The following ANKH variants were observed in gnomAD, a reference collection of about 807,000 sequenced individuals.
ANKH encodes mineralization regulator ANKH.
In ANKH, 15 loss-of-function variants were observed where a neutral mutation model predicts 49.0. That is an observed-to-expected ratio of 0.31 (90% CI 0.20 to 0.47). The LOEUF is 0.47. ANKH is among the 20% of genes least tolerant of loss of function. The pLI, the probability that ANKH is intolerant of heterozygous loss-of-function variation, is 1.00. For synonymous variants in ANKH, 273 were observed against 260.0 expected (o/e 1.05, Z -0.48); for missense variants, 429 against 652.0 (o/e 0.66, Z 3.72).
At chr5:14,762,924 T>C (rs957722861) in intron 2 of ANKH, among the ~76,000 whole-genome samples, 4 of 152,222 alleles carry the variant, frequency 2.6e-5, no homozygotes, top group Admixed American at 2.6e-4. Flanking sequence ...TTTGAACAGA[T>C]GTAAACAAAT....
At chr5:14,788,375 T>C (rs957203583) in intron 1 of ANKH, among the ~76,000 whole-genome samples, 15 of 152,366 alleles carry the variant, frequency 9.8e-5, no homozygotes, top group Middle Eastern at 6.8e-3. Flanking sequence ...TATGCAAATA[T>C]ACTTCATGAT....
chr5:14,814,647 G>T (rs1561067869), intron 1 of ANKH, among the ~76,000 whole-genome samples: 1 of 152,154 alleles, frequency 6.6e-6, no homozygotes, highest in East Asian at 1.9e-4. Context: ...ACCCGGAGTG[G>T]ATAAATTAAG....
chr5:14,845,679 A>G (rs529425392), intron 1 of ANKH, among the ~76,000 whole-genome samples: 3 of 151,466 alleles, frequency 2.0e-5, no homozygotes, highest in Admixed American at 2.0e-4. Flanking sequence ...GCCTAATTTG[A>G]CTCTCTCCAC....
chr5:14,735,867 T>C (rs1580015765), intron 8 of ANKH, among the ~76,000 whole-genome samples: 1 of 152,070 alleles, frequency 6.6e-6, no homozygotes, highest in East Asian at 1.9e-4. Context: ...GACTTTAACA[T>C]AAGAAGGTTT....
chr5:14,757,267 A>C (rs1250423951), intron 3 of ANKH, among the ~76,000 whole-genome samples: 1 of 152,106 alleles, frequency 6.6e-6, no homozygotes, highest in Non-Finnish European at 1.5e-5. Flanking sequence ...ATGCACTTAC[A>C]TCATGCATCT....
At chr5:14,711,783 G>A (rs1459805064) in intron 11 of ANKH, among the ~76,000 whole-genome samples, 1 of 152,226 alleles carries the variant, frequency 6.6e-6, no homozygotes, top group Non-Finnish European at 1.5e-5. Context: ...GCCTGTCCTA[G>A]TTCCTGGTCA....
chr5:14,774,351 T>C (rs1739544214), intron 1 of ANKH, among the ~76,000 whole-genome samples: 2 of 152,324 alleles, frequency 1.3e-5, no homozygotes, highest in South Asian at 4.1e-4. Flanking sequence ...AAACTAATTG[T>C]CTCCAACTAG....
intron 8 of ANKH, among the ~76,000 whole-genome samples, chr5:14,726,394 CA>C (rs1332165242): frequency 6.6e-6 from 1 of 152,086 alleles, no homozygotes; most frequent in Admixed American, 6.5e-5. Context: ...AGAGCCATGG[CA>C]GGTTGTGGGT....
intron 1 of ANKH, among the ~76,000 whole-genome samples, chr5:14,815,291 C>T (rs1040905678): frequency 2.6e-5 from 4 of 152,210 alleles, no homozygotes; most frequent in Non-Finnish European, 5.9e-5. Context: ...TTAATGCCCA[C>T]TGTGTGGCAA....
At chr5:14,785,840 G>A (rs561630196) in intron 1 of ANKH, among the ~76,000 whole-genome samples, 1 of 151,704 alleles carries the variant, frequency 6.6e-6, no homozygotes, top group African/African-American at 2.4e-5. Flanking sequence ...GGATTACAAG[G>A]TCAGGAGTTT....
At chr5:14,733,328 G>C (rs547718163) in intron 8 of ANKH, among the ~76,000 whole-genome samples, 72 of 152,328 alleles carry the variant, frequency 4.7e-4, no homozygotes, top group South Asian at 2.9e-3. Context: ...GCCCGAGCAA[G>C]TGGGACATCC....
At chr5:14,830,037 G>A (rs1741456708) in intron 1 of ANKH, among the ~76,000 whole-genome samples, 1 of 152,178 alleles carries the variant, frequency 6.6e-6, no homozygotes, top group South Asian at 2.1e-4. Context: ...TATGAGAGAT[G>A]GAGGCATGAA....
chr5:14,726,849 C>G (rs25983), intron 8 of ANKH, among the ~76,000 whole-genome samples: 109,014 of 152,196 alleles, frequency 0.72, 40,410 homozygotes, highest in Middle Eastern at 0.85. Context: ...GGTGTGCATA[C>G]CTGTAGCAAC....
At chr5:14,716,665 A>C in intron 9 of ANKH, 41 bp downstream of exon 9, 1 of 1,612,304 alleles carries the variant, frequency 6.2e-7, no homozygotes, top group Non-Finnish European at 8.5e-7. Context: ...ATTAGGCATG[A>C]GGATAAACAG....
At chr5:14,811,166 C>T (rs1333461820) in intron 1 of ANKH, among the ~76,000 whole-genome samples, 1 of 149,012 alleles carries the variant, frequency 6.7e-6, no homozygotes, top group South Asian at 2.1e-4. Flanking sequence ...GGTAACAAAA[C>T]AGTCACTCGG....
chr5:14,796,996 C>T, intron 1 of ANKH: 1 of 1,128,400 alleles, frequency 8.9e-7, no homozygotes, highest in Non-Finnish European at 1.2e-6. Context: ...GGGCTAATAG[C>T]ATTATCGGTG....
chr5:14,734,422 G>T (rs910250593), intron 8 of ANKH, among the ~76,000 whole-genome samples: 8 of 152,182 alleles, frequency 5.3e-5, no homozygotes, highest in African/African-American at 1.7e-4. Flanking sequence ...ATCTGTAAGG[G>T]CGCATCCTTC....
In ANKH at chr5:14,778,418, G is replaced by A. The variant is rs576981168; in HGVS notation, c.97-9227C>T. ...CTGCAGGGAAGGCATGTCAATATCC[G>A]TCTGGTCAGCCCACCCAATGCCCTC... is the stretch of plus-strand genomic sequence containing the variant. On this transcript the variant is annotated intron_variant, in intron 1 of 11. Transcript: ENST00000284268. 3.5e-4 allele frequency among the ~76,000 whole-genome samples: 53 copies of A among 152,178 alleles called. No individual in the cohort carries two copies. In the South Asian group the frequency reaches 1.0e-2, roughly 29 times the overall value.
intron 1 of ANKH, among the ~76,000 whole-genome samples, chr5:14,796,579 G>A (rs550455771): frequency 2.7e-4 from 41 of 151,786 alleles, no homozygotes; most frequent in African/African-American, 9.9e-4. Flanking sequence ...TGGGGAAAGA[G>A]GAACGTGCTG....
Sources: allele counts gnomAD v4.1 joint callset (sites outside exome capture counted in the v4.1 genomes callset), GRCh38; gene constraint gnomAD v4.1.1; transcripts MANE v1.5; gene names NCBI Gene and HGNC (gene_info 2026-07-23, HGNC 2026-07-21).